The following CFAP92 variants were observed in gnomAD, a reference collection of about 807,000 sequenced individuals.
CFAP92 encodes cilia and flagella associated protein 92 (putative).
CFAP92 carries 86 observed loss-of-function variants against 106.3 expected under a neutral mutation model. The ratio of observed to expected loss-of-function variants is 0.81; its 90% CI spans 0.68 to 0.97. The LOEUF (loss-of-function observed/expected upper bound fraction) is 0.97, where lower values mean the gene tolerates loss of function less well. Among genes scored for constraint, CFAP92 ranks in the 50% least tolerant of loss-of-function variants. The pLI is 0.00. For synonymous variants in CFAP92, 477 were observed against 506.4 expected (o/e 0.94, Z 0.78); for missense variants, 1,204 against 1,283.8 (o/e 0.94, Z 0.95).
upstream of CFAP92, chr3:129,004,008 C>G (rs748115635): frequency 6.6e-7 from 1 of 1,506,234 alleles, no homozygotes. Context: ...GAGCTGGAGG[C>G]GCTGGCGCAA....
the CFAP92 span, among the ~76,000 whole-genome samples, chr3:129,020,123 G>C: frequency 2.6e-5 from 4 of 152,110 alleles, no homozygotes; most frequent in African/African-American, 9.7e-5. Flanking sequence ...GACGATGCAG[G>C]CCAGATTAAA....
chr3:128,979,786 G>A (rs1272125019), intron 4 of CFAP92, among the ~76,000 whole-genome samples: 2 of 151,480 alleles, frequency 1.3e-5, no homozygotes, highest in Admixed American at 6.6e-5. Context: ...ATCACACACC[G>A]GGGCCTGTTG....
At chr3:129,010,579 C>A in the CFAP92 span, among the ~76,000 whole-genome samples, 2 of 152,048 alleles carry the variant, frequency 1.3e-5, no homozygotes, top group African/African-American at 4.8e-5. This position sits in a 1 kb window ranked among gnomAD's most constrained non-coding sequence, Gnocchi z 4.3. Flanking sequence ...AAAGATGAGG[C>A]CATCTGAGGG....
chr3:129,008,627 A>G, the CFAP92 span, among the ~76,000 whole-genome samples: 1 of 151,404 alleles, frequency 6.6e-6, no homozygotes, highest in Non-Finnish European at 1.5e-5. Context: ...GGACACAGAA[A>G]TGGCAGTAGA....
chr3:129,007,512 A>C (rs149840161), upstream of CFAP92, among the ~76,000 whole-genome samples: 1 of 152,330 alleles, frequency 6.6e-6, no homozygotes, highest in Non-Finnish European at 1.5e-5. Flanking sequence ...TTTGGTTAGA[A>C]TAAATGACCC....
intron 12 of CFAP92, among the ~76,000 whole-genome samples, chr3:128,928,266 A>T: frequency 6.6e-6 from 1 of 152,130 alleles, no homozygotes; most frequent in East Asian, 1.9e-4. Context: ...AAAAATAAAT[A>T]AACAAAATCC....
At chr3:128,921,667 C>T (rs1387945236) in intron 12 of CFAP92, among the ~76,000 whole-genome samples, 2 of 152,138 alleles carry the variant, frequency 1.3e-5, no homozygotes, top group Admixed American at 1.3e-4. Context: ...CAGAAAAGTC[C>T]CAGTGTATGC....
intron 9 of CFAP92, 50 bp from the exon 10 acceptor site, chr3:128,946,025 C>T (rs1172297229): frequency 1.2e-5 from 16 of 1,340,370 alleles, no homozygotes; most frequent in Non-Finnish European, 1.5e-5. Flanking sequence ...AGGACAGTCA[C>T]TCAGCCCCAG....
intron 4 of CFAP92, 44 bp downstream of exon 4, chr3:128,987,572 T>A: frequency 6.5e-7 from 1 of 1,538,442 alleles, no homozygotes; most frequent in South Asian, 1.1e-5. Flanking sequence ...TACTAGTGAG[T>A]AAGCCCCAGG....
intron 2 of CFAP92, among the ~76,000 whole-genome samples, chr3:128,989,348 G>A (rs947192611): frequency 7.6e-6 from 1 of 131,066 alleles, no homozygotes; most frequent in Non-Finnish European, 1.6e-5. Flanking sequence ...ATAGCAGCAG[G>A]AACAAGGTTG....
At chr3:128,910,765 G>C in intron 15 of CFAP92, 1 of 1,614,190 alleles carries the variant, frequency 6.2e-7, no homozygotes, top group South Asian at 1.1e-5. Flanking sequence ...CACCTTCTGC[G>C]TGGAAGCTTA....
rs540344120 is a variant in CFAP92 at position 128,942,604 on chromosome 3, C to T, written c.2258+2467G>A. Among the ~76,000 whole-genome samples, 4 of 152,358 alleles carry T rather than the reference C, an allele frequency of 2.6e-5. No individual in the cohort carries two copies. In the South Asian group the frequency reaches 8.3e-4, roughly 32 times the overall value. On this transcript the variant is annotated intron_variant, in intron 10 of 15. Coordinates refer to ENST00000645291, the MANE Select transcript of CFAP92 (RefSeq NM_001394090.1). ...CTATTAGGTGTGACTCAGATCGCCT[C>T]CCAGGAGCCAAGGGCAGAGCCCAGA...
exon 1 of CFAP92, chr3:129,002,577 A>C: frequency 1.6e-6 from 1 of 615,290 alleles, no homozygotes; most frequent in East Asian, 3.5e-5. Context: ...ACCATACCCC[A>C]CTTTTCTGCT....
In CFAP92 at chr3:129,001,345, G is replaced by C. The variant is rs553372132; in HGVS notation, n.117+1229C>G. 3.3e-5 allele frequency among the ~76,000 whole-genome samples: 5 copies of C among 152,326 alleles called. No homozygotes were observed. In the South Asian group the frequency reaches 1.0e-3, roughly 32 times the overall value. On this transcript the variant is annotated intron_variant and non_coding_transcript_variant, in intron 1 of 4. Coordinates refer to the CFAP92 transcript ENST00000510149. ...CCGTGAGTGAGGAGAGGAGAGCGTG[G>C]GAGTCACGCGGAGAAGCCAGACCCA...
chr3:128,972,856 T>TG (rs1942900744), intron 7 of CFAP92, among the ~76,000 whole-genome samples: 1 of 146,904 alleles, frequency 6.8e-6, no homozygotes, highest in South Asian at 2.1e-4. Context: ...ACTCAGTCCT[T>TG]GAAAAAAAAA....
At chr3:128,931,919 G>A (rs753631088) in intron 12 of CFAP92, among the ~76,000 whole-genome samples, 9 of 152,110 alleles carry the variant, frequency 5.9e-5, no homozygotes, top group East Asian at 1.9e-4. Flanking sequence ...TCAGGAGGCC[G>A]AGGTGGGAGG....
At chr3:129,009,109 C>G in the CFAP92 span, among the ~76,000 whole-genome samples, 1 of 152,200 alleles carries the variant, frequency 6.6e-6, no homozygotes, top group African/African-American at 2.4e-5. Flanking sequence ...CCTGCCCAAC[C>G]AAGGTGTTTC....
At chr3:128,937,378 C>T (rs1939141957) in intron 10 of CFAP92, among the ~76,000 whole-genome samples, 3 of 150,998 alleles carry the variant, frequency 2.0e-5, no homozygotes, top group South Asian at 2.1e-4. Context: ...TATGGGAGGC[C>T]GAGGTGGGCA....
At chr3:128,989,663 A>C (rs1382347435) in intron 2 of CFAP92, among the ~76,000 whole-genome samples, 1 of 152,196 alleles carries the variant, frequency 6.6e-6, no homozygotes, top group Non-Finnish European at 1.5e-5. Context: ...ACATCATAAG[A>C]AGCTCCATAA....
Sources: gnomAD v4.1 joint callset for allele counts (sites outside exome capture counted in the v4.1 genomes callset) on GRCh38, gnomAD v4.1.1 for gene constraint, Gnocchi (gnomAD v3.1) non-coding constraint, MANE v1.5 for transcripts, NCBI Gene and HGNC (gene_info 2026-07-23, HGNC 2026-07-21) for gene names.